VAV3: variants seen among roughly 807,000 people sequenced by gnomAD.
The protein encoded by VAV3 is vav guanine nucleotide exchange factor 3.
Under a neutral mutation model 131.2 loss-of-function variants are expected in VAV3, and 94 were observed. The ratio of observed to expected loss-of-function variants is 0.72; its 90% confidence interval spans 0.61 to 0.85. The LOEUF (loss-of-function observed/expected upper bound fraction) is 0.85. VAV3 is among the 40% of genes least tolerant of loss of function. VAV3 has a pLI of 0.00. For missense variants in VAV3, 939 were observed against 1,002.7 expected, an observed-to-expected ratio of 0.94 and a Z score of 0.86; for synonymous variants, 349 against 342.0, an observed-to-expected ratio of 1.02 and a Z score of -0.22.
chr1:107,748,554 A>T (rs1663502280), intron 15 of VAV3, among the ~76,000 whole-genome samples: 1 of 152,224 alleles, frequency 6.6e-6, no homozygotes, highest in South Asian at 2.1e-4. Context: ...ATTAAAAATA[A>T]GATATATGCA....
At chr1:107,732,255 C>A (rs1352268841) in intron 15 of VAV3, among the ~76,000 whole-genome samples, 1 of 152,214 alleles carries the variant, frequency 6.6e-6, no homozygotes, top group Non-Finnish European at 1.5e-5. Context: ...TTCAAGATGA[C>A]CGAATAGGAA....
chr1:107,843,630 C>T (rs554952811), intron 2 of VAV3, among the ~76,000 whole-genome samples: 2 of 151,816 alleles, frequency 1.3e-5, no homozygotes, highest in Admixed American at 6.6e-5. Flanking sequence ...TAAACCTCCA[C>T]ATTACCGAGG....
At chr1:107,751,038 T>C in intron 13 of VAV3, 79 bp downstream of exon 13, 1 of 1,384,460 alleles carries the variant, frequency 7.2e-7, no homozygotes, top group Non-Finnish European at 1.0e-6. Context: ...TACTTCACAC[T>C]GGAAAAATTG....
At chr1:107,624,444 GA>G (rs60555746) in intron 20 of VAV3, among the ~76,000 whole-genome samples, 57,230 of 146,876 alleles carry the variant, frequency 0.39, 11,513 homozygotes, top group East Asian at 0.48. Context: ...TTTAATGATA[GA>G]AAAAAAAAAT....
At chr1:107,837,373 C>A (rs1253531114) in intron 2 of VAV3, among the ~76,000 whole-genome samples, 1 of 152,100 alleles carries the variant, frequency 6.6e-6, no homozygotes, top group African/African-American at 2.4e-5. Flanking sequence ...ATCTAACATC[C>A]TTTTATGATA....
intron 19 of VAV3, among the ~76,000 whole-genome samples, chr1:107,670,074 T>C (rs1657675890): frequency 6.6e-6 from 1 of 152,214 alleles, no homozygotes; most frequent in African/African-American, 2.4e-5. Context: ...AGGGTGAGTA[T>C]TTTCATCTCC....
intron 2 of VAV3, among the ~76,000 whole-genome samples, chr1:107,793,135 T>C (rs1241431248): frequency 1.3e-5 from 2 of 152,168 alleles, no homozygotes; most frequent in Non-Finnish European, 2.9e-5. Context: ...CAAGACAACC[T>C]TATGAACAGA....
chr1:107,748,879 A>G (rs954222277), intron 15 of VAV3, 89 bp downstream of exon 15: 2 of 982,070 alleles, frequency 2.0e-6, no homozygotes, highest in Admixed American at 5.5e-5. Context: ...ACATGCTACA[A>G]GCATTAGAGT....
chr1:107,649,280 T>C (rs1445702036), intron 19 of VAV3, among the ~76,000 whole-genome samples: 2 of 152,012 alleles, frequency 1.3e-5, no homozygotes, highest in Non-Finnish European at 2.9e-5. Flanking sequence ...CTGCAATAAA[T>C]AGGCTTAACA....
chr1:107,699,513 T>C (rs1370188743), intron 17 of VAV3, among the ~76,000 whole-genome samples: 1 of 152,196 alleles, frequency 6.6e-6, no homozygotes, highest in East Asian at 1.9e-4. Flanking sequence ...CCTACCATTG[T>C]GGAATCTGGA....
At chr1:107,811,899 T>C (rs1293569425) in intron 2 of VAV3, among the ~76,000 whole-genome samples, 7 of 147,020 alleles carry the variant, frequency 4.8e-5, no homozygotes, top group African/African-American at 1.8e-4. Flanking sequence ...TTAAATAATA[T>C]GGCCTGAGAT....
chr1:107,828,468 T>C (rs1668107813), intron 2 of VAV3, among the ~76,000 whole-genome samples: 1 of 152,188 alleles, frequency 6.6e-6, no homozygotes, highest in African/African-American at 2.4e-5. Flanking sequence ...AAAATCAACA[T>C]GCATCTCACT....
At chr1:107,597,984 T>C (rs768072544) in intron 24 of VAV3, among the ~76,000 whole-genome samples, 5 of 152,168 alleles carry the variant, frequency 3.3e-5, no homozygotes, top group Non-Finnish European at 7.4e-5. Flanking sequence ...CAAAGTCACA[T>C]AGCTAGCGCC....
At chr1:107,599,383 C>T (rs1651659953) in intron 24 of VAV3, among the ~76,000 whole-genome samples, 1 of 152,140 alleles carries the variant, frequency 6.6e-6, no homozygotes, top group South Asian at 2.1e-4. Flanking sequence ...TAAGAAGACT[C>T]TAAACAAAAG....
At chr1:107,939,574 T>C (rs1396758562) in intron 1 of VAV3, among the ~76,000 whole-genome samples, 3 of 152,202 alleles carry the variant, frequency 2.0e-5, no homozygotes, top group Non-Finnish European at 4.4e-5. Context: ...TGGTTTTCCA[T>C]CCCATCATGT....
At chr1:107,822,705 A>T (rs1348090109) in intron 2 of VAV3, among the ~76,000 whole-genome samples, 1 of 151,856 alleles carries the variant, frequency 6.6e-6, no homozygotes, top group Non-Finnish European at 1.5e-5. Flanking sequence ...AAAAATAATT[A>T]AATGATCTCT....
chr1:107,958,518 G>C (rs1033701869), intron 1 of VAV3, among the ~76,000 whole-genome samples: 1 of 152,098 alleles, frequency 6.6e-6, no homozygotes, highest in Non-Finnish European at 1.5e-5. Flanking sequence ...TGTTCAAAGG[G>C]CAACACTGTA....
chr1:107,581,441 ATAT>A (rs1414015933), intron 25 of VAV3, among the ~76,000 whole-genome samples: 1 of 152,250 alleles, frequency 6.6e-6, no homozygotes, highest in African/African-American at 2.4e-5. Context: ...GCACAGTCAA[ATAT>A]TATTTATCAA....
intron 15 of VAV3, among the ~76,000 whole-genome samples, chr1:107,722,840 C>CTCTTTTTTTTTTTT (rs371987024): frequency 7.7e-6 from 1 of 129,812 alleles, no homozygotes; most frequent in Non-Finnish European, 1.6e-5. Flanking sequence ...ATTATCCTCT[C>CTCTTTTTTTTTTTT]TTTTTTTTTT....
Sources: allele counts gnomAD v4.1 joint callset (sites outside exome capture counted in the v4.1 genomes callset), GRCh38; gene constraint gnomAD v4.1.1; transcripts MANE v1.5; gene names NCBI Gene and HGNC (gene_info 2026-07-23, HGNC 2026-07-21).